Variants in CSGALNACT1 observed in about 807,000 individuals in gnomAD.
CSGALNACT1 encodes the protein chondroitin sulfate N-acetylgalactosaminyltransferase 1.
In CSGALNACT1, 52 loss-of-function variants were observed where a neutral mutation model predicts 51.0. That is an observed-to-expected ratio of 1.02 (90% CI 0.82 to 1.29). The LOEUF is 1.29. Among genes scored for constraint, CSGALNACT1 ranks in the 50% most tolerant of loss-of-function variants. CSGALNACT1 has a pLI of 0.00. For synonymous variants in CSGALNACT1, 341 were observed against 254.4 expected (o/e 1.34, Z -3.24); for missense variants, 935 against 679.2 (o/e 1.38, Z -4.19).
chr8:19,728,694 C>T (rs10104473), intron 1 of CSGALNACT1, among the ~76,000 whole-genome samples: 45,387 of 151,992 alleles, frequency 0.3, 7,077 homozygotes, highest in Middle Eastern at 0.47. Flanking sequence ...CAGAGGCACG[C>T]TGCCTCTGCA....
chr8:19,639,610 T>C (rs1213800351), intron 1 of CSGALNACT1, among the ~76,000 whole-genome samples: 4 of 152,116 alleles, frequency 2.6e-5, no homozygotes, highest in African/African-American at 9.7e-5. Context: ...TTGAAAACTA[T>C]GTATCATACC....
chr8:19,532,941 A>G (rs2083061600), intron 3 of CSGALNACT1, among the ~76,000 whole-genome samples: 2 of 152,088 alleles, frequency 1.3e-5, no homozygotes, highest in Non-Finnish European at 2.9e-5. Flanking sequence ...TCCGATCAAC[A>G]CTGTCATCTT....
chr8:19,444,635 C>T (rs1024190094), intron 5 of CSGALNACT1, among the ~76,000 whole-genome samples: 3 of 152,202 alleles, frequency 2.0e-5, no homozygotes, highest in Non-Finnish European at 4.4e-5. Context: ...GCTCTAAATG[C>T]AGAGGCCAGT....
chr8:19,520,156 C>A (rs1042635540), intron 3 of CSGALNACT1, among the ~76,000 whole-genome samples: 1 of 152,186 alleles, frequency 6.6e-6, no homozygotes, highest in African/African-American at 2.4e-5. Flanking sequence ...AAATGAGGGG[C>A]TTTCTTTTAG....
chr8:19,683,065 C>T (rs775526071), upstream of CSGALNACT1: 12 of 239,518 alleles, frequency 5.0e-5, no homozygotes, highest in African/African-American at 1.8e-4. Context: ...ACAGGATGGA[C>T]GGGAACAGAT....
chr8:19,594,603 G>C (rs773750798), intron 2 of CSGALNACT1, among the ~76,000 whole-genome samples: 12 of 152,152 alleles, frequency 7.9e-5, no homozygotes, highest in Admixed American at 2.6e-4. Flanking sequence ...GAGTGCAATG[G>C]CGTGATCTCT....
In CSGALNACT1 at chr8:19,457,424, C is replaced by A. The variant is rs988322634; in HGVS notation, c.851+1002G>T. The A allele has an allele frequency of 3.9e-5, 14 of 358,366 alleles. No individual in the cohort carries two copies. The Admixed American group carries it at 4.1e-4, about 11-fold the overall frequency. The allele number at this position is 358,366 out of a possible 1,614,324, so 22.2% of individuals were successfully genotyped here. A position where few individuals can be genotyped will look rare whatever the true frequency, so the allele number is the denominator to read the frequency against. ...GATCAGGAGTTCAAGACTAGCCCGG[C>A]CAAAATGGCGAAACCCGGTCTCTAC... On this transcript the variant is annotated intron_variant, in intron 5 of 9. Coordinates refer to ENST00000454498, the Ensembl canonical transcript of CSGALNACT1.
chr8:19,557,579 T>C (rs1322809901), intron 3 of CSGALNACT1, among the ~76,000 whole-genome samples: 1 of 152,192 alleles, frequency 6.6e-6, no homozygotes, highest in Non-Finnish European at 1.5e-5. Flanking sequence ...TTGTACTTTC[T>C]CTTTTTCTGG....
intron 1 of CSGALNACT1, among the ~76,000 whole-genome samples, chr8:19,666,971 GAAAGAAAGAAAGAAAGAAAGAA>G (rs1564385150): frequency 2.6e-3 from 20 of 7,674 alleles, no homozygotes; most frequent in African/African-American, 0.016. Context: ...AAGAAAGAAA[GAAAGAAAGAAAGAAAGAAAGAA>G]AGAAAGAAAG....
At chr8:19,550,717 G>A (rs4498574) in intron 3 of CSGALNACT1, among the ~76,000 whole-genome samples, 1,936 of 152,160 alleles carry the variant, frequency 0.013, 39 homozygotes, top group South Asian at 0.057. Context: ...GGGGGCAGGG[G>A]CCTTCAAATG....
Position 19,656,323 on chromosome 8 carries a change from C to T in CSGALNACT1, c.-544+26150G>A, listed in dbSNP as rs1013607024. Among the ~76,000 whole-genome samples, 3 of 152,092 alleles carry T rather than the reference C, an allele frequency of 2.0e-5. No homozygotes were observed. The South Asian group carries it at 6.2e-4, about 31-fold the overall frequency. On this transcript the variant is annotated intron_variant, in intron 1 of 9. Coordinates refer to the CSGALNACT1 transcript ENST00000332246. Reference sequence around the variant, plus strand: ...AAAAGTCTGGAATCAAAACCTAGCCCTCATATAGGACCTCTAGTCCAATTC... The same window carrying T: ...AAAAGTCTGGAATCAAAACCTAGCCTTCATATAGGACCTCTAGTCCAATTC...
intron 1 of CSGALNACT1, among the ~76,000 whole-genome samples, chr8:19,690,494 T>C (rs552423152): frequency 6.6e-6 from 1 of 152,306 alleles, no homozygotes; most frequent in East Asian, 1.9e-4. Context: ...AGCTCATCTT[T>C]CTCCTAACTC....
intron 4 of CSGALNACT1, among the ~76,000 whole-genome samples, chr8:19,491,824 G>A (rs947265835): frequency 1.3e-5 from 2 of 152,086 alleles, no homozygotes; most frequent in Non-Finnish European, 1.5e-5. Flanking sequence ...TAATAAATTC[G>A]GTACATAATT....
At position 19,668,554 on chromosome 8, in the gene CSGALNACT1, C is replaced by A. The variant is rs149305039; in HGVS notation, c.-544+13919G>T. Among the ~76,000 whole-genome samples, 1,170 of 152,222 alleles carry A rather than the reference C, an allele frequency of 7.7e-3. 11 individuals carry two copies. The highest frequency in any genetic ancestry group is 0.025 in the African/African-American group (1,054 of 41,560). On this transcript the variant is annotated intron_variant, in intron 1 of 9. Transcript: ENST00000332246. Reference sequence around the variant, plus strand: ...AGCTGTATACATCTAAAATGCCAATCTATTTTATTTTCATTTTTGAGACCA... The same window carrying A: ...AGCTGTATACATCTAAAATGCCAATATATTTTATTTTCATTTTTGAGACCA...
intron 6 of CSGALNACT1, among the ~76,000 whole-genome samples, chr8:19,421,315 G>A (rs946150715): frequency 1.3e-5 from 2 of 152,238 alleles, no homozygotes; most frequent in Non-Finnish European, 2.9e-5. Flanking sequence ...AGGCAGTGAA[G>A]CCAGGATGTT....
chr8:19,644,445 C>T (rs1179405152), intron 1 of CSGALNACT1, among the ~76,000 whole-genome samples: 1 of 150,226 alleles, frequency 6.7e-6, no homozygotes, highest in East Asian at 1.9e-4. Context: ...TGCAGTGGCT[C>T]ACGCCTGTAA....
chr8:19,522,249 A>C (rs2080877179), intron 3 of CSGALNACT1, among the ~76,000 whole-genome samples: 2 of 152,248 alleles, frequency 1.3e-5, no homozygotes, highest in Admixed American at 1.3e-4. Context: ...ACTACCACCA[A>C]GAAATAAATG....
chr8:19,663,577 C>G (rs1366646826), intron 1 of CSGALNACT1, among the ~76,000 whole-genome samples: 1 of 152,158 alleles, frequency 6.6e-6, no homozygotes, highest in Non-Finnish European at 1.5e-5. Flanking sequence ...AGCTGACAGC[C>G]TGGGTACAGT....
chr8:19,670,650 C>CA (rs752256046), intron 1 of CSGALNACT1, among the ~76,000 whole-genome samples: 12,736 of 92,482 alleles, frequency 0.14, 1,081 homozygotes, highest in East Asian at 0.31. Flanking sequence ...CTACTGAAGA[C>CA]AAAAAAAAAA....
Sources: allele counts gnomAD v4.1 joint callset (sites outside exome capture counted in the v4.1 genomes callset), GRCh38; gene constraint gnomAD v4.1.1; transcripts MANE v1.5; gene names NCBI Gene and HGNC (gene_info 2026-07-23, HGNC 2026-07-21).